Variants in AFDN observed in about 807,000 individuals in gnomAD.
AFDN encodes the protein afadin, adherens junction formation factor.
Under a neutral mutation model 216.6 loss-of-function variants are expected in AFDN, and 68 were observed. The observed-to-expected ratio is 0.31, with a 90% confidence interval of 0.26 to 0.38. AFDN has a LOEUF of 0.38. AFDN is among the 10% of genes least tolerant of loss of function. The pLI is 1.00. For missense variants in AFDN, 2,136 were observed against 2,342.0 expected, an observed-to-expected ratio of 0.91 and a Z score of 1.82; for synonymous variants, 868 against 853.7, an observed-to-expected ratio of 1.02 and a Z score of -0.29.
Position 167,970,980 on chromosome 6 carries a change from A to G in AFDN, c.*1045A>G, listed in dbSNP as rs1238550755. 2 of 213,210 alleles carry G rather than the reference A, an allele frequency of 9.4e-6. No homozygotes were observed. The highest frequency in any genetic ancestry group is 2.3e-5 in the African/African-American group (1 of 44,234). The allele number at this position is 213,210 out of a possible 1,614,324, so 13.2% of individuals were successfully genotyped here. ...AATAACTCATATGGAAGTTCAAGCTATTTTTATACTATAATAGAGTTATTT... is the reference window on the plus strand; with the variant it reads ...AATAACTCATATGGAAGTTCAAGCTGTTTTTATACTATAATAGAGTTATTT... On this transcript the variant is annotated 3_prime_UTR_variant, in exon 34 of 34. Transcript: ENST00000683244.
intron 8 of AFDN, among the ~76,000 whole-genome samples, chr6:167,891,729 T>C (rs1369846874): frequency 6.6e-6 from 1 of 152,192 alleles, no homozygotes; most frequent in East Asian, 1.9e-4. Flanking sequence ...ATATGTATGC[T>C]GTGCATGGCT....
intron 6 of AFDN, among the ~76,000 whole-genome samples, chr6:167,880,800 G>A (rs1005086338): frequency 6.6e-6 from 1 of 151,964 alleles, no homozygotes; most frequent in Non-Finnish European, 1.5e-5. Flanking sequence ...TTCTTATTCT[G>A]GTCTCTTTTC....
chr6:167,880,170 C>A (rs1051929127), intron 5 of AFDN, among the ~76,000 whole-genome samples, 190 bp from the exon 6 acceptor site: 2 of 152,080 alleles, frequency 1.3e-5, no homozygotes, highest in African/African-American at 4.8e-5. Flanking sequence ...CTAAGTGTCA[C>A]TAGATCAACT....
chr6:167,885,860 A>AC (rs1786732859), intron 6 of AFDN, among the ~76,000 whole-genome samples: 1 of 152,262 alleles, frequency 6.6e-6, no homozygotes, highest in Admixed American at 6.5e-5. Flanking sequence ...CTGTCTTTGT[A>AC]AAAGCAGTCA....
At chr6:167,927,930 A>G (rs935594046) in intron 23 of AFDN, among the ~76,000 whole-genome samples, 1 of 152,140 alleles carries the variant, frequency 6.6e-6, no homozygotes, top group African/African-American at 2.4e-5. Context: ...ATCACAAATT[A>G]CCCTACTGTA....
At chr6:167,870,304 A>C (rs1024911569) in intron 2 of AFDN, 82 bp from the exon 3 acceptor site, 2 of 767,824 alleles carry the variant, frequency 2.6e-6, no homozygotes, top group Non-Finnish European at 4.2e-6. Context: ...ATAAAATTAA[A>C]TGTATATCAG....
At position 167,963,447 on chromosome 6, in the gene AFDN, G is replaced by T. The variant is rs3823458; in HGVS notation, c.4968+880G>T. ...TAGTTTTTATTAATAATTCCTTCTT[G>T]GATAGTCTAGTGAACTATATTAATA... On this transcript the variant is annotated intron_variant, in intron 31 of 33. Transcript: ENST00000683244. 0.44 allele frequency: 462,654 copies of T among 1,051,624 alleles called. 102,521 individuals carry two copies. The highest frequency in any genetic ancestry group is 0.81 in the East Asian group (14,862 of 18,408). The allele number at this position is 1,051,624 out of a possible 1,614,324, so 65.1% of individuals were successfully genotyped here.
intron 30 of AFDN, among the ~76,000 whole-genome samples, chr6:167,957,881 C>A (rs918396336): frequency 3.9e-5 from 6 of 152,196 alleles, no homozygotes; most frequent in African/African-American, 1.4e-4. Flanking sequence ...CCTCTCATTT[C>A]CTCATGACAA....
At chr6:167,834,444 T>A (rs1010215140) in intron 1 of AFDN, among the ~76,000 whole-genome samples, 2 of 149,428 alleles carry the variant, frequency 1.3e-5, no homozygotes, top group Non-Finnish European at 3.0e-5. Context: ...TTTTTGTTGT[T>A]GTTGTTGTTT....
At chr6:167,961,510 G>A (rs115010871) in intron 30 of AFDN, among the ~76,000 whole-genome samples, 259 of 152,246 alleles carry the variant, frequency 1.7e-3, no homozygotes, top group African/African-American at 5.9e-3. Context: ...GTGAGCAGAA[G>A]GATAAAGGAG....
rs374542165 is a variant in AFDN, at chr6:167,965,824, C to A, written c.5036C>A (p.Ala1679Glu). ...AERRRQHDEA[A>E]RRLLEPEAPG... ...AGGCGCAGACAGCACGACGAGGCGG[C>A]GCGCAGGTTGCTGGAGCCCGAGGCG... Residue 1679 changes from alanine (A) to glutamate (E), a missense_variant, in exon 32 of 34, where the codon GCG becomes GAG. Physicochemically the swap from Ala to Glu is moderately radical, Grantham distance 107 (BLOSUM62 -1). This residue lies in a region of AFDN where 981 missense variants were observed against 966.0 expected (regional missense o/e 1.02). Coordinates refer to ENST00000683244, the MANE Select transcript of AFDN (RefSeq NM_001386888.1). The A allele has an allele frequency of 1.9e-6, 3 of 1,559,562 alleles. No individual in the cohort carries two copies. Among genetic ancestry groups the A allele is most frequent in the Non-Finnish European group, 2.6e-6 (3 of 1,152,140 alleles).
intron 13 of AFDN, among the ~76,000 whole-genome samples, chr6:167,908,146 G>C (rs13437459): frequency 0.34 from 52,069 of 152,096 alleles, 9,664 homozygotes; most frequent in East Asian, 0.6. Flanking sequence ...AGAGGCCATT[G>C]TGTTTCCTTC....
chr6:167,919,709 AC>A (rs1198300872), intron 21 of AFDN, among the ~76,000 whole-genome samples: 1 of 152,252 alleles, frequency 6.6e-6, no homozygotes, highest in Non-Finnish European at 1.5e-5. Flanking sequence ...TGTGATCTGT[AC>A]TGATCAAAAA....
rs1790711725 is a variant in AFDN at position 167,913,836 on chromosome 6, A to G, written c.2059-332A>G. On this transcript the variant is annotated intron_variant, in intron 16 of 33. Coordinates refer to ENST00000683244, the MANE Select transcript of AFDN (RefSeq NM_001386888.1). Reference sequence around the variant, plus strand: ...GGTAACCATGGATACATGTATGTATACTGCACAGACTACCAGATAATGCAC... The same window carrying G: ...GGTAACCATGGATACATGTATGTATGCTGCACAGACTACCAGATAATGCAC... The G allele has an allele frequency of 1.2e-5, 5 of 422,960 alleles. No individual in the cohort carries two copies. The East Asian group carries it at 2.2e-4, about 19-fold the overall frequency. The allele number at this position is 422,960 out of a possible 1,614,324, so 26.2% of individuals were successfully genotyped here.
intron 15 of AFDN, 145 bp from the exon 16 acceptor site, chr6:167,913,258 T>C (rs1205948212): frequency 2.5e-6 from 2 of 796,794 alleles, no homozygotes; most frequent in Non-Finnish European, 4.0e-6. Context: ...TAAATGAAAA[T>C]GTTATTTTGG....
In AFDN at chr6:167,950,899, G is replaced by A. The variant is rs149931718; in HGVS notation, c.3832-287G>A. 5.1e-5 allele frequency among the ~76,000 whole-genome samples: 7 copies of A among 138,580 alleles called. No individual in the cohort carries two copies. In the East Asian group the frequency reaches 1.5e-3, roughly 31 times the overall value. 90.9% of individuals were successfully genotyped at this position (138,580 alleles called of 152,430 possible). A position where few individuals can be genotyped will look rare whatever the true frequency, so the allele number is the denominator to read the frequency against. On this transcript the variant is annotated intron_variant, in intron 29 of 33. Transcript: ENST00000683244. ...AAATTTTAGTCGAGACAGAGACTAT[G>A]TTACCCAGGCTGGTCTCGAACTCCT...
At position 167,916,647 on chromosome 6, in the gene AFDN, C is replaced by CT. The variant is rs1057006312; in HGVS notation, c.2566-432dup. On this transcript the variant is annotated intron_variant, in intron 19 of 33. Coordinates refer to ENST00000683244, the MANE Select transcript of AFDN (RefSeq NM_001386888.1). ...TCATCTACAGCTTAAAAACCTAGGA[C>CT]TTTTTTTTTTAGTATTACGTATAAT... 1.1e-3 allele frequency among the ~76,000 whole-genome samples: 162 copies of CT among 147,506 alleles called. No individual in the cohort carries two copies. In the South Asian group the frequency reaches 0.014, roughly 12 times the overall value.
In AFDN at chr6:167,864,511, A is replaced by C. The variant is rs781315227; in HGVS notation, c.106-40A>C. The C allele has an allele frequency of 1.9e-6, 3 of 1,551,808 alleles. No individual in the cohort carries two copies. The East Asian group carries it at 6.7e-5, about 35-fold the overall frequency. On this transcript the variant is annotated intron_variant, in intron 1 of 33. Coordinates refer to ENST00000683244, the MANE Select transcript of AFDN (RefSeq NM_001386888.1). ...TTACAAAAAGTGAATCCTTTTCAGA[A>C]TGTTGTTTTCCAAAAATGTACCATT...
chr6:167,968,061 G>A lies in AFDN; in HGVS notation c.5258-1053G>A, dbSNP rs1398740988. Among the ~76,000 whole-genome samples the A allele has an allele frequency of 2.0e-5, 3 of 152,286 alleles. No homozygotes were observed. In the East Asian group the frequency reaches 5.8e-4, roughly 29 times the overall value. ...AGCTGAAGGTATTTGATACTCTTAA[G>A]TCTAAAAGTTCCGAAAATTCAGAAG... On this transcript the variant is annotated intron_variant, in intron 32 of 33. Transcript: ENST00000683244.
Sources: gnomAD v4.1 joint callset for allele counts (sites outside exome capture counted in the v4.1 genomes callset) on GRCh38, gnomAD v4.1.1 for gene constraint, gnomAD v4.1.1 regional missense constraint, MANE v1.5 for transcripts, NCBI Gene and HGNC (gene_info 2026-07-23, HGNC 2026-07-21) for gene names.